Variants in THSD7B observed in about 807,000 individuals in gnomAD.
The protein encoded by THSD7B is thrombospondin type 1 domain containing 7B.
Under a neutral mutation model 213.6 loss-of-function variants are expected in THSD7B, and 138 were observed. That is an observed-to-expected ratio of 0.65 (90% confidence interval 0.56 to 0.74). The LOEUF (loss-of-function observed/expected upper bound fraction) is 0.74. THSD7B is among the 30% of genes least tolerant of loss of function. The probability of loss-of-function intolerance (pLI) is 0.00; values close to 1 mark genes in which losing one functional copy is unlikely to be tolerated. For synonymous variants in THSD7B, 742 were observed against 687.0 expected, an observed-to-expected ratio of 1.08 and a Z score of -1.25; for missense variants, 1,931 against 1,991.5, an observed-to-expected ratio of 0.97 and a Z score of 0.58.
intron 17 of THSD7B, among the ~76,000 whole-genome samples, chr2:137,593,935 T>C (rs961414626): frequency 7.2e-5 from 11 of 152,020 alleles, no homozygotes; most frequent in African/African-American, 2.7e-4. Context: ...TCATCTCAAA[T>C]ACATTATGTA....
intron 2 of THSD7B, among the ~76,000 whole-genome samples, chr2:136,957,475 T>C (rs1445125234): frequency 6.6e-6 from 1 of 151,944 alleles, no homozygotes; most frequent in African/African-American, 2.4e-5. Flanking sequence ...AATTCAATTA[T>C]TATCATAATA....
At chr2:137,356,036 G>A (rs1028451112) in intron 12 of THSD7B, among the ~76,000 whole-genome samples, 4 of 152,150 alleles carry the variant, frequency 2.6e-5, no homozygotes, top group African/African-American at 9.6e-5. Context: ...CACTGACACA[G>A]GGAGCTGCTG....
At chr2:137,639,550 C>T (rs1325319827) in intron 20 of THSD7B, among the ~76,000 whole-genome samples, 1 of 152,108 alleles carries the variant, frequency 6.6e-6, no homozygotes, top group Non-Finnish European at 1.5e-5. Context: ...TCTACATCCT[C>T]GTGAATGGTA....
intron 2 of THSD7B, among the ~76,000 whole-genome samples, chr2:137,000,291 A>T (rs1034305926): frequency 1.3e-5 from 2 of 152,202 alleles, no homozygotes; most frequent in African/African-American, 2.4e-5. Flanking sequence ...ACTGAATTTT[A>T]TGTAATCTAG....
chr2:137,284,025 G>T (rs1244110081), intron 12 of THSD7B, among the ~76,000 whole-genome samples: 3 of 152,024 alleles, frequency 2.0e-5, no homozygotes, highest in African/African-American at 4.8e-5. Context: ...AATCCATCTG[G>T]TCCTGGACTT....
intron 15 of THSD7B, among the ~76,000 whole-genome samples, chr2:137,546,404 TTATA>T (rs1244183370): frequency 2.5e-5 from 1 of 39,820 alleles, no homozygotes; most frequent in African/African-American, 1.8e-4. Context: ...ATTATATATA[TTATA>T]TATATATTAT....
intron 4 of THSD7B, among the ~76,000 whole-genome samples, chr2:137,112,484 A>G (rs559318072): frequency 2.0e-5 from 3 of 152,170 alleles, no homozygotes; most frequent in African/African-American, 4.8e-5. Flanking sequence ...CTTTATATAC[A>G]GATATAGTCA....
intron 2 of THSD7B, among the ~76,000 whole-genome samples, chr2:136,953,157 A>G (rs1685069269): frequency 6.6e-6 from 1 of 152,204 alleles, no homozygotes; most frequent in Non-Finnish European, 1.5e-5. Context: ...ACTAAAACAT[A>G]GTCACAGCCT....
intron 2 of THSD7B, among the ~76,000 whole-genome samples, chr2:136,922,929 A>T (rs530714978): frequency 6.6e-6 from 1 of 152,276 alleles, no homozygotes; most frequent in African/African-American, 2.4e-5. Flanking sequence ...TAGTTACGTG[A>T]ATTGTAATTT....
chr2:137,032,026 T>G (rs1304059485), intron 2 of THSD7B, among the ~76,000 whole-genome samples: 2 of 151,900 alleles, frequency 1.3e-5, no homozygotes, highest in Non-Finnish European at 1.5e-5. Flanking sequence ...TTTTTTGTGG[T>G]GACGAGATTT....
chr2:137,524,993 G>A (rs1680253678), intron 15 of THSD7B, among the ~76,000 whole-genome samples: 1 of 152,176 alleles, frequency 6.6e-6, no homozygotes, highest in Non-Finnish European at 1.5e-5. Context: ...GAGAGGCCGT[G>A]CTTCATGTTT....
chr2:136,937,834 G>C (rs1684760395), intron 2 of THSD7B, among the ~76,000 whole-genome samples: 1 of 152,108 alleles, frequency 6.6e-6, no homozygotes, highest in Non-Finnish European at 1.5e-5. Context: ...ATTTTGAGTG[G>C]AACTGTTGAA....
chr2:137,267,588 G>T, intron 10 of THSD7B, among the ~76,000 whole-genome samples: 1 of 138,960 alleles, frequency 7.2e-6, no homozygotes, highest in African/African-American at 2.7e-5. Flanking sequence ...GGGCCTAATT[G>T]TCTGCCTAGT....
chr2:136,938,123 T>C (rs1382294702), intron 2 of THSD7B, among the ~76,000 whole-genome samples: 2 of 152,214 alleles, frequency 1.3e-5, no homozygotes, highest in Admixed American at 6.5e-5. Context: ...AATTTGCATC[T>C]TTACCCACAC....
intron 14 of THSD7B, among the ~76,000 whole-genome samples, chr2:137,418,867 C>T (rs910529566): frequency 3.3e-5 from 5 of 151,986 alleles, no homozygotes; most frequent in Non-Finnish European, 7.4e-5. Context: ...GACAGGAGTT[C>T]ATTCTGTATA....
chr2:137,644,664 T>A lies in THSD7B; in HGVS notation c.3945+2031T>A, dbSNP rs111333731. On this transcript the variant is annotated intron_variant, in intron 21 of 27. Coordinates refer to ENST00000409968, the MANE Select transcript of THSD7B (RefSeq NM_001316349.2). ...AAATTTATATATAAGCTGGATTTTTTAAATTACTGATCAAAATGCACGTGG... is the reference window on the plus strand; with the variant it reads ...AAATTTATATATAAGCTGGATTTTTAAAATTACTGATCAAAATGCACGTGG... Among the ~76,000 whole-genome samples the A allele has an allele frequency of 8.9e-4, 136 of 152,340 alleles. 1 individual carries two copies. Among genetic ancestry groups the A allele is most frequent in the African/African-American group, 3.1e-3 (127 of 41,574 alleles).
chr2:136,819,881 T>C (rs1682541802), intron 1 of THSD7B, among the ~76,000 whole-genome samples: 1 of 152,072 alleles, frequency 6.6e-6, no homozygotes, highest in South Asian at 2.1e-4. Flanking sequence ...GTTGGCTCTT[T>C]GGTGTTTCTT....
intron 12 of THSD7B, among the ~76,000 whole-genome samples, chr2:137,313,553 T>G (rs1205833238): frequency 2.6e-5 from 4 of 151,246 alleles, no homozygotes; most frequent in Non-Finnish European, 5.9e-5. Flanking sequence ...GTCATTATGA[T>G]GTTAGCTGGT....
rs1419276143 is a variant in THSD7B, at chr2:137,170,755, C to G, written c.1540C>G (p.Gln514Glu). 1.2e-6 allele frequency: 2 copies of G among 1,613,172 alleles called. No individual in the cohort carries two copies. The highest frequency in any genetic ancestry group is 2.2e-5 in the South Asian group (2 of 91,032). The change falls in exon 7 of 28, where the codon CAG becomes GAG. Residue 514 changes from glutamine (Q) to glutamate (E), a missense_variant. Gln to Glu is a conservative substitution (Grantham distance 29, BLOSUM62 2). Coordinates refer to ENST00000409968, the MANE Select transcript of THSD7B (RefSeq NM_001316349.2). ...TCTCTTTTTAGGATTTAGAACGAGGCAGCGCCATGTCCTCATGGAATCTAC... is the reference window on the plus strand; with the variant it reads ...TCTCTTTTTAGGATTTAGAACGAGGGAGCGCCATGTCCTCATGGAATCTAC... ...PQGKKGFRTR[Q>E]RHVLMESTGP...
Sources: gnomAD v4.1 joint callset for allele counts (sites outside exome capture counted in the v4.1 genomes callset) on GRCh38, gnomAD v4.1.1 for gene constraint, MANE v1.5 for transcripts, NCBI Gene and HGNC (gene_info 2026-07-23, HGNC 2026-07-21) for gene names.